Variants in EFCAB7 observed in about 807,000 individuals in gnomAD.
EFCAB7 encodes the protein EF-hand calcium-binding domain-containing protein 7.
Under a neutral mutation model 77.1 loss-of-function variants are expected in EFCAB7, and 66 were observed. That is an observed-to-expected ratio of 0.86 (90% confidence interval 0.70 to 1.05). EFCAB7 has a LOEUF of 1.05. EFCAB7 is among the 50% of genes least tolerant of loss of function. The probability of loss-of-function intolerance (pLI) is 0.00; values close to 1 mark genes in which losing one functional copy is unlikely to be tolerated. For missense variants in EFCAB7, 638 were observed against 730.5 expected (o/e 0.87, Z 1.46); for synonymous variants, 225 against 243.3 (o/e 0.92, Z 0.70).
At chr1:63,560,021 T>C (rs1490491042) in intron 10 of EFCAB7, among the ~76,000 whole-genome samples, 1 of 152,034 alleles carries the variant, frequency 6.6e-6, no homozygotes, top group African/African-American at 2.4e-5. Flanking sequence ...AGTGGCGTGA[T>C]CTTGGCTCAC....
chr1:63,559,301 CAAA>C (rs71052490), intron 10 of EFCAB7, among the ~76,000 whole-genome samples: 2 of 62,232 alleles, frequency 3.2e-5, no homozygotes, highest in African/African-American at 6.5e-5. Flanking sequence ...GACTCTGTCT[CAAA>C]AAAAAAAAAA....
At chr1:63,574,866 T>C (rs11208246), downstream of EFCAB7, among the ~76,000 whole-genome samples, 23,385 of 152,174 alleles carry the variant, frequency 0.15, 2,235 homozygotes, top group South Asian at 0.22. Flanking sequence ...GTTAAGGCAG[T>C]GAGTTCAGCT....
intron 2 of EFCAB7, among the ~76,000 whole-genome samples, chr1:63,531,529 T>C (rs937075151): frequency 6.6e-6 from 1 of 152,180 alleles, no homozygotes; most frequent in African/African-American, 2.4e-5. Context: ...TAATCAGATA[T>C]TGTTAGTTAT....
rs1400827927 is a variant in EFCAB7 at position 63,548,722 on chromosome 1, C to T, written c.946+2665C>T. ...CTTGGATTTTAAGCTTATAGTTGTC[C>T]TGTAACCCCAGCTCTGATGGGATCA... is the stretch of plus-strand genomic sequence containing the variant. On this transcript the variant is annotated intron_variant, in intron 7 of 13. Transcript: ENST00000371088. 6 of 152,128 alleles carry T rather than the reference C, an allele frequency of 3.9e-5. No individual in the cohort carries two copies. The South Asian group carries it at 1.2e-3, about 32-fold the overall frequency. The allele number at this position is 152,128 out of a possible 1,614,324, so 9.4% of individuals were successfully genotyped here.
At position 63,557,168 on chromosome 1, in the gene EFCAB7, T is replaced by C; in HGVS notation, c.1269T>C (p.Leu423=). 1 of 1,607,544 alleles carries C rather than the reference T, an allele frequency of 6.2e-7. No individual in the cohort carries two copies. Among genetic ancestry groups the C allele is most frequent in the South Asian group, 1.1e-5 (1 of 89,340 alleles). Residue 423 remains leucine (L), a synonymous_variant, in exon 10 of 14, where the codon CTT becomes CTC. Transcript: ENST00000371088. ...EVIDLDGNGL[L]SLEEYNFFEL... The stretch of plus-strand genomic sequence containing the variant: ...TTGATTTAGATGGAAATGGTCTTCT[T>C]AGCCTTGAAGAATATAATTTTTTTG...
At chr1:63,542,345 A>T (rs944572504) in intron 6 of EFCAB7, among the ~76,000 whole-genome samples, 1 of 151,930 alleles carries the variant, frequency 6.6e-6, no homozygotes, top group Non-Finnish European at 1.5e-5. Context: ...TTGTTTATCT[A>T]TTTTTCTGTC....
rs1389837930 is a variant in EFCAB7, at chr1:63,568,440, A to G, written c.1628A>G (p.Lys543Arg). Residue 543 changes from lysine to arginine, a missense_variant, in exon 12 of 14, where the codon AAA (lysine) becomes AGA (arginine). Physicochemically the swap from Lys to Arg is conservative, Grantham distance 26. Coordinates refer to ENST00000371088, the MANE Select transcript of EFCAB7 (RefSeq NM_032437.4). ...CKSVLSNGDA[K>R]VMDGYENIIV... ...TCTGTTCTTAGCAACGGTGATGCCAAAGTAATGGATGGCTATGAAAATATA... is the reference window on the plus strand; with the variant it reads ...TCTGTTCTTAGCAACGGTGATGCCAGAGTAATGGATGGCTATGAAAATATA... 1 of 1,591,934 alleles carries G rather than the reference A, an allele frequency of 6.3e-7. No homozygotes were observed.
chr1:63,524,850 G>T (rs1411982079), intron 1 of EFCAB7, among the ~76,000 whole-genome samples: 2 of 152,160 alleles, frequency 1.3e-5, no homozygotes, highest in Admixed American at 1.3e-4. Flanking sequence ...AAGACAAGAT[G>T]TATGACAGTT....
intron 6 of EFCAB7, among the ~76,000 whole-genome samples, chr1:63,543,295 T>C (rs1646851646): frequency 6.6e-6 from 1 of 152,228 alleles, no homozygotes. Flanking sequence ...TCTATTGTTC[T>C]GTATGTCTGT....
At chr1:63,559,084 T>C (rs1367195455) in intron 10 of EFCAB7, among the ~76,000 whole-genome samples, 1 of 151,620 alleles carries the variant, frequency 6.6e-6, no homozygotes, top group African/African-American at 2.4e-5. Flanking sequence ...GGTGGATCAC[T>C]TGAGGTCATT....
intron 11 of EFCAB7, 139 bp from the exon 12 acceptor site, chr1:63,568,171 A>G (rs1161892392): frequency 3.2e-6 from 2 of 632,278 alleles, no homozygotes; most frequent in African/African-American, 3.8e-5. Context: ...TACTCAATTC[A>G]TAGTACTAAA....
At chr1:63,556,727 T>A (rs1420829228) in intron 9 of EFCAB7, among the ~76,000 whole-genome samples, 1 of 152,078 alleles carries the variant, frequency 6.6e-6, no homozygotes, top group African/African-American at 2.4e-5. Flanking sequence ...GTTATCCTCA[T>A]AGAACCCTTC....
At chr1:63,544,980 G>A (rs1439288379) in intron 6 of EFCAB7, among the ~76,000 whole-genome samples, 3 of 143,372 alleles carry the variant, frequency 2.1e-5, no homozygotes, top group Non-Finnish European at 4.6e-5. Flanking sequence ...GTGCAATGGT[G>A]TGATCTCGGC....
chr1:63,561,603 G>T (rs770383129), intron 10 of EFCAB7, 106 bp from the exon 11 acceptor site: 2 of 639,012 alleles, frequency 3.1e-6, no homozygotes, highest in South Asian at 7.6e-5. Flanking sequence ...AGATTCATAG[G>T]CCTCTTTTAA....
the EFCAB7 span, among the ~76,000 whole-genome samples, chr1:63,578,385 A>G: frequency 6.6e-6 from 1 of 151,844 alleles, no homozygotes; most frequent in Non-Finnish European, 1.5e-5. Flanking sequence ...CCCTCATTAT[A>G]TATAGTCTGT....
chr1:63,561,225 A>G (rs1351418308), intron 10 of EFCAB7, among the ~76,000 whole-genome samples: 2 of 152,232 alleles, frequency 1.3e-5, no homozygotes, highest in African/African-American at 4.8e-5. Context: ...TAGAGGAATC[A>G]GGCATATAGT....
chr1:63,555,475 A>G lies in EFCAB7; in HGVS notation c.1174A>G (p.Arg392Gly). ...PVTDEAQLVYRDETGELFLTK... is the reference protein window; with the variant it reads ...PVTDEAQLVYGDETGELFLTK... ...AACAGATGAAGCCCAACTTGTATAT[A>G]GAGATGAAACAGGGGAATTATTCCT... The change falls in exon 9 of 14, where the codon AGA (arginine) becomes GGA (glycine). Residue 392 changes from arginine to glycine, a missense_variant. Coordinates refer to ENST00000371088, the MANE Select transcript of EFCAB7 (RefSeq NM_032437.4). The G allele has an allele frequency of 4.3e-6, 7 of 1,613,756 alleles. No individual in the cohort carries two copies. Among genetic ancestry groups the G allele is most frequent in the Non-Finnish European group, 5.9e-6 (7 of 1,179,812 alleles).
At chr1:63,532,618 A>C (rs371843664) in intron 3 of EFCAB7, 52 bp from the exon 4 acceptor site, 15 of 1,437,194 alleles carry the variant, frequency 1.0e-5, no homozygotes, top group Admixed American at 2.2e-5. Context: ...CCCCATGAAT[A>C]ACAAAGGAGT....
the EFCAB7 span, among the ~76,000 whole-genome samples, chr1:63,585,024 CATAAG>C: frequency 3.3e-5 from 5 of 152,154 alleles, no homozygotes; most frequent in Admixed American, 1.3e-4. Flanking sequence ...ATTCTGGCCT[CATAAG>C]ATGAGTTGGG....
Sources: gnomAD v4.1 joint callset for allele counts (sites outside exome capture counted in the v4.1 genomes callset) on GRCh38, gnomAD v4.1.1 for gene constraint, MANE v1.5 for transcripts, NCBI Gene and HGNC (gene_info 2026-07-23, HGNC 2026-07-21) for gene names.